ATP2B1: variants seen among roughly 807,000 people sequenced by gnomAD.
ATP2B1 encodes plasma membrane calcium-transporting ATPase 1.
In ATP2B1, 14 loss-of-function variants were observed where a neutral mutation model predicts 124.2. That is an observed-to-expected ratio of 0.11 (90% CI 0.07 to 0.18). ATP2B1 has a LOEUF of 0.18. Ranked by LOEUF, ATP2B1 falls within the 10% of genes least tolerant of loss-of-function variation. The pLI is 1.00. For missense variants in ATP2B1, 763 were observed against 1,466.1 expected, an observed-to-expected ratio of 0.52 and a Z score of 7.83; for synonymous variants, 449 against 492.4, an observed-to-expected ratio of 0.91 and a Z score of 1.17.
rs539791855 is a variant in ATP2B1 at position 89,650,853 on chromosome 12, G to C, written c.208+4826C>G. Among the ~76,000 whole-genome samples, 11 of 152,160 alleles carry C rather than the reference G, an allele frequency of 7.2e-5. No homozygotes were observed. In the East Asian group the frequency reaches 2.1e-3, roughly 29 times the overall value. On this transcript the variant is annotated intron_variant, in intron 2 of 20. Coordinates refer to ENST00000428670, the MANE Select transcript of ATP2B1 (RefSeq NM_001366521.1). The stretch of plus-strand genomic sequence containing the variant: ...CTAGTGTAAAAATATAAGGATCAAG[G>C]AATGTGATTCAGAATATGAATAAGA...
At chr12:89,596,020 GA>G (rs1167639352) in intron 20 of ATP2B1, among the ~76,000 whole-genome samples, 1 of 151,880 alleles carries the variant, frequency 6.6e-6, no homozygotes, top group Non-Finnish European at 1.5e-5. Flanking sequence ...GCCTGGGATG[GA>G]AAAAAAGATG....
chr12:89,655,406 A>C (rs910757689), intron 2 of ATP2B1, among the ~76,000 whole-genome samples: 4 of 152,230 alleles, frequency 2.6e-5, no homozygotes, highest in African/African-American at 2.4e-5. Context: ...AAGGGAAGAC[A>C]ATCTTTTTAT....
intron 18 of ATP2B1, among the ~76,000 whole-genome samples, chr12:89,602,797 T>C (rs1324068701): frequency 6.6e-6 from 1 of 152,214 alleles, no homozygotes; most frequent in Admixed American, 6.5e-5. Flanking sequence ...TAAGAAATAA[T>C]ATCTTTCACT....
At chr12:89,643,546 T>G (rs892503236) in intron 2 of ATP2B1, among the ~76,000 whole-genome samples, 2 of 152,194 alleles carry the variant, frequency 1.3e-5, no homozygotes, top group African/African-American at 4.8e-5. Flanking sequence ...GGAGGTATAC[T>G]GTAGGATGTA....
At chr12:89,705,090 G>C (rs936020865) in intron 1 of ATP2B1, among the ~76,000 whole-genome samples, 6 of 152,010 alleles carry the variant, frequency 3.9e-5, no homozygotes, top group Non-Finnish European at 2.9e-5. Flanking sequence ...TCCTATGTTT[G>C]ATAATTTCTA....
intron 1 of ATP2B1, among the ~76,000 whole-genome samples, chr12:89,669,037 A>G (rs1045217615): frequency 1.3e-5 from 2 of 152,154 alleles, no homozygotes; most frequent in African/African-American, 4.8e-5. Context: ...GAGCTTCTAC[A>G]ACACACTCAG....
At chr12:89,667,606 TCCCAAAG>T (rs1887467645) in intron 1 of ATP2B1, among the ~76,000 whole-genome samples, 1 of 152,188 alleles carries the variant, frequency 6.6e-6, no homozygotes. Flanking sequence ...TTCTTACCAG[TCCCAAAG>T]GTATCTGAGT....
chr12:89,642,796 G>C (rs1883765147), intron 2 of ATP2B1, among the ~76,000 whole-genome samples: 1 of 151,714 alleles, frequency 6.6e-6, no homozygotes, highest in African/African-American at 2.4e-5. Context: ...GTAGTGACAG[G>C]GTTTCACCAT....
At chr12:89,639,245 T>C (rs1054531603) in intron 3 of ATP2B1, among the ~76,000 whole-genome samples, 3 of 152,196 alleles carry the variant, frequency 2.0e-5, no homozygotes, top group Admixed American at 2.0e-4. Context: ...GGCTCATGCC[T>C]GTAATCTGAG....
At chr12:89,635,518 G>T (rs746369082) in intron 3 of ATP2B1, among the ~76,000 whole-genome samples, 1 of 152,120 alleles carries the variant, frequency 6.6e-6, no homozygotes, top group Non-Finnish European at 1.5e-5. Flanking sequence ...TGAAATATCA[G>T]TCCTAAGGCA....
chr12:89,644,733 A>G (rs1472555440), intron 2 of ATP2B1, among the ~76,000 whole-genome samples: 3 of 152,224 alleles, frequency 2.0e-5, no homozygotes, highest in East Asian at 1.9e-4. Flanking sequence ...TAGTGGTTAT[A>G]TGAGCCTAAC....
In ATP2B1 at chr12:89,624,342, G is replaced by A. The variant is rs1000755243; in HGVS notation, c.1185C>T (p.Asp395=). The part of the protein sequence containing the change: ...VIILVLYFVI[D]TFWVQKRPWL... ...ATGGTCTTTTCTGAACCCAGAAGGT[G>A]TCAATGACAAAATATAATACTAGAA... Residue 395 remains aspartate (D), a synonymous_variant, in exon 9 of 21, where the codon GAC becomes GAT. Transcript: ENST00000428670. 5.6e-6 allele frequency: 9 copies of A among 1,613,968 alleles called. No individual in the cohort carries two copies. The African/African-American group carries it at 6.7e-5, about 12-fold the overall frequency.
At chr12:89,651,458 TTC>T (rs1885241641) in intron 2 of ATP2B1, among the ~76,000 whole-genome samples, 1 of 152,198 alleles carries the variant, frequency 6.6e-6, no homozygotes, top group South Asian at 2.1e-4. Flanking sequence ...GCTCATTTTT[TTC>T]TTTTTTAATG....
chr12:89,637,416 A>ATTTTT (rs112164038), intron 3 of ATP2B1, among the ~76,000 whole-genome samples: 1 of 149,536 alleles, frequency 6.7e-6, no homozygotes. Context: ...TTAAATTTTA[A>ATTTTT]TTTTTTCTTT....
At chr12:89,649,471 T>G (rs934642612) in intron 2 of ATP2B1, among the ~76,000 whole-genome samples, 1 of 152,242 alleles carries the variant, frequency 6.6e-6, no homozygotes, top group African/African-American at 2.4e-5. Context: ...TTTTGGCTGA[T>G]TTTTCCCTTT....
At position 89,662,127 on chromosome 12, in the gene ATP2B1, ATCTT is replaced by A. The variant is rs566243297; in HGVS notation, c.-221-6024_-221-6021del. 2.7e-3 allele frequency among the ~76,000 whole-genome samples: 403 copies of A among 150,876 alleles called. 1 individual carries two copies. Among genetic ancestry groups the A allele is most frequent in the South Asian group, 6.7e-3 (32 of 4,788 alleles). ...CCATATCTTATCAAGAGAGACTATG[ATCTT>A]TCTTTCTTTTTTTTTTTTTTTAACA... On this transcript the variant is annotated intron_variant, in intron 1 of 20. Coordinates refer to ENST00000428670, the MANE Select transcript of ATP2B1 (RefSeq NM_001366521.1).
At chr12:89,593,625 T>G (rs1008678578) in intron 20 of ATP2B1, 2 of 151,984 alleles carry the variant, frequency 1.3e-5, no homozygotes, top group Non-Finnish European at 2.9e-5. Context: ...AGTTAGAGAT[T>G]TGAGAGTTAG....
intron 1 of ATP2B1, among the ~76,000 whole-genome samples, chr12:89,661,838 T>C (rs1227097031): frequency 6.6e-6 from 1 of 152,208 alleles, no homozygotes; most frequent in African/African-American, 2.4e-5. Context: ...CTAGCCTACA[T>C]AGCTGTTTCT....
intron 6 of ATP2B1, among the ~76,000 whole-genome samples, chr12:89,628,792 T>C (rs868343643): frequency 2.0e-5 from 3 of 152,182 alleles, no homozygotes; most frequent in South Asian, 2.1e-4. Context: ...AAGCTCAAGA[T>C]TGATGAGGAG....
Sources: gnomAD v4.1 joint callset for allele counts (sites outside exome capture counted in the v4.1 genomes callset) on GRCh38, gnomAD v4.1.1 for gene constraint, MANE v1.5 for transcripts, NCBI Gene and HGNC (gene_info 2026-07-23, HGNC 2026-07-21) for gene names.